The following ST3GAL3 variants were observed in gnomAD, a reference collection of about 807,000 sequenced individuals.
The protein encoded by ST3GAL3 is CMP-N-acetylneuraminate-beta-1,4-galactoside alpha-2,3-sialyltransferase.
A neutral mutation model predicts 50.1 loss-of-function variants in ST3GAL3; 21 were observed. The ratio of observed to expected loss-of-function variants is 0.42; its 90% CI spans 0.30 to 0.60. The LOEUF (loss-of-function observed/expected upper bound fraction) is 0.60, where lower values mean the gene tolerates loss of function less well. ST3GAL3 is among the 20% of genes least tolerant of loss of function. ST3GAL3 has a pLI of 0.19. For missense variants in ST3GAL3, 353 were observed against 489.4 expected (o/e 0.72, Z 2.63); for synonymous variants, 183 against 190.0 (o/e 0.96, Z 0.30).
At chr1:43,751,010 C>T (rs1217999591) in intron 2 of ST3GAL3, among the ~76,000 whole-genome samples, 1 of 151,958 alleles carries the variant, frequency 6.6e-6, no homozygotes, top group Non-Finnish European at 1.5e-5. Flanking sequence ...AGATGATATT[C>T]TTAATATATA....
chr1:43,762,568 G>A (rs116815027), intron 2 of ST3GAL3, among the ~76,000 whole-genome samples: 82 of 152,244 alleles, frequency 5.4e-4, no homozygotes, highest in African/African-American at 1.9e-3. Context: ...GTTGTTGCTT[G>A]GCGGCATCCC....
intron 1 of ST3GAL3, among the ~76,000 whole-genome samples, chr1:43,719,864 C>T (rs983994321): frequency 7.9e-6 from 1 of 127,220 alleles, no homozygotes; most frequent in Non-Finnish European, 1.6e-5. Context: ...AACTGAGAGG[C>T]GGAGGTTTCA....
chr1:43,719,554 A>G (rs938245105), intron 1 of ST3GAL3, among the ~76,000 whole-genome samples: 3 of 152,056 alleles, frequency 2.0e-5, no homozygotes, highest in Non-Finnish European at 4.4e-5. Flanking sequence ...AATCCCAGCT[A>G]CATGGGAGGC....
intron 9 of ST3GAL3, among the ~76,000 whole-genome samples, chr1:43,903,264 C>T (rs2078596973): frequency 6.6e-6 from 1 of 152,190 alleles, no homozygotes; most frequent in Non-Finnish European, 1.5e-5. Flanking sequence ...TGGAGACACC[C>T]CATCCACTGT....
intron 2 of ST3GAL3, among the ~76,000 whole-genome samples, chr1:43,757,589 AAAAC>A (rs1204850869): frequency 7.9e-5 from 12 of 152,224 alleles, no homozygotes; most frequent in African/African-American, 2.9e-4. Flanking sequence ...TGGTTGCACA[AAAAC>A]AAACAAAAGA....
In ST3GAL3 at chr1:43,920,884, C is replaced by T; in HGVS notation, c.994C>T (p.Pro332Ser). 3.1e-6 allele frequency: 5 copies of T among 1,614,102 alleles called. No individual in the cohort carries two copies. Among genetic ancestry groups the T allele is most frequent in the East Asian group, 2.2e-5 (1 of 44,884 alleles). Residue 332 changes from proline to serine, a missense_variant, in exon 11 of 12, where the codon CCC becomes TCC. Coordinates refer to ENST00000347631, the MANE Select transcript of ST3GAL3 (RefSeq NM_006279.5). ...FGYDMSTPNA[P>S]LHYYETVRMA... ...CTATGACATGAGCACACCCAACGCACCCCTGCACTACTATGAGACCGTTCG... is the reference window on the plus strand; with the variant it reads ...CTATGACATGAGCACACCCAACGCATCCCTGCACTACTATGAGACCGTTCG...
chr1:43,837,918 C>T (rs2064657180), intron 4 of ST3GAL3, among the ~76,000 whole-genome samples: 1 of 152,088 alleles, frequency 6.6e-6, no homozygotes, highest in Middle Eastern at 3.4e-3. Flanking sequence ...TGTTTTTACC[C>T]TTAAAGCCTT....
intron 4 of ST3GAL3, among the ~76,000 whole-genome samples, chr1:43,834,123 C>A (rs964346527): frequency 6.6e-6 from 1 of 152,102 alleles, no homozygotes; most frequent in Non-Finnish European, 1.5e-5. Flanking sequence ...ATCATGCCAC[C>A]ACACTCCAGC....
chr1:43,794,033 A>G (rs2058399147), intron 3 of ST3GAL3, among the ~76,000 whole-genome samples: 1 of 149,846 alleles, frequency 6.7e-6, no homozygotes, highest in Non-Finnish European at 1.5e-5. Flanking sequence ...GCAATGAGCT[A>G]TGATTGCACC....
At chr1:43,845,805 C>G (rs1250376485) in intron 5 of ST3GAL3, among the ~76,000 whole-genome samples, 1 of 151,918 alleles carries the variant, frequency 6.6e-6, no homozygotes, top group African/African-American at 2.4e-5. Flanking sequence ...ATTGCATTGA[C>G]TACATCTTAC....
At chr1:43,871,859 GT>G in intron 5 of ST3GAL3, among the ~76,000 whole-genome samples, 1 of 23,286 alleles carries the variant, frequency 4.3e-5, no homozygotes, top group Non-Finnish European at 9.1e-5. Context: ...AGAGGATGGG[GT>G]GGGAGGGAGA....
chr1:43,732,672 C>A (rs1390197817), intron 1 of ST3GAL3, among the ~76,000 whole-genome samples: 1 of 152,134 alleles, frequency 6.6e-6, no homozygotes, highest in African/African-American at 2.4e-5. Context: ...GGGAGACTTA[C>A]CATAATTTAA....
intron 5 of ST3GAL3, among the ~76,000 whole-genome samples, chr1:43,889,330 G>T (rs1276762097): frequency 6.6e-6 from 1 of 152,070 alleles, no homozygotes; most frequent in Non-Finnish European, 1.5e-5. Flanking sequence ...AGAGATGAAA[G>T]CTAGACTTCT....
chr1:43,857,582 C>CCTTCCTTCCTTCCTTCCTT (rs1558605475), intron 5 of ST3GAL3, among the ~76,000 whole-genome samples: 25 of 93,844 alleles, frequency 2.7e-4, no homozygotes, highest in African/African-American at 3.1e-4. Flanking sequence ...TTTCCTTCCT[C>CCTTCCTTCCTTCCTTCCTT]CCTCCCTTCC....
chr1:43,854,378 C>CA (rs1449313088), intron 5 of ST3GAL3, among the ~76,000 whole-genome samples: 1 of 152,214 alleles, frequency 6.6e-6, no homozygotes, highest in Non-Finnish European at 1.5e-5. Flanking sequence ...GTCTCTGAAG[C>CA]ATTTGGCAGT....
intron 4 of ST3GAL3, among the ~76,000 whole-genome samples, chr1:43,817,700 TCTTC>T (rs2061530600): frequency 1.4e-5 from 2 of 144,582 alleles, no homozygotes; most frequent in Non-Finnish European, 1.5e-5. Context: ...TTCTTCTCCT[TCTTC>T]CTTCTCCTTC....
intron 2 of ST3GAL3, among the ~76,000 whole-genome samples, chr1:43,749,466 A>G (rs1205810297): frequency 1.3e-5 from 2 of 152,202 alleles, no homozygotes; most frequent in African/African-American, 2.4e-5. Flanking sequence ...GAGGCAAACA[A>G]CCTAGTTAAG....
At chr1:43,823,223 A>G (rs151084081) in intron 4 of ST3GAL3, among the ~76,000 whole-genome samples, 1 of 152,102 alleles carries the variant, frequency 6.6e-6, no homozygotes, top group East Asian at 1.9e-4. Flanking sequence ...AGATCTTGTT[A>G]CTCCTGTGAT....
intron 5 of ST3GAL3, among the ~76,000 whole-genome samples, chr1:43,888,351 A>T (rs2154262382): frequency 6.6e-6 from 1 of 152,308 alleles, no homozygotes; most frequent in African/African-American, 2.4e-5. Context: ...CAACAACAAC[A>T]ACAACAAAAA....
Sources: allele counts gnomAD v4.1 joint callset (sites outside exome capture counted in the v4.1 genomes callset), GRCh38; gene constraint gnomAD v4.1.1; transcripts MANE v1.5; gene names NCBI Gene and HGNC (gene_info 2026-07-23, HGNC 2026-07-21).